Variants in BCAS3 observed in about 807,000 individuals in gnomAD.
The protein encoded by BCAS3 is BCAS3 microtubule associated cell migration factor.
A neutral mutation model predicts 116.1 loss-of-function variants in BCAS3; 53 were observed. That is an observed-to-expected ratio of 0.46 (90% CI 0.37 to 0.57). BCAS3 has a LOEUF of 0.57. Among genes scored for constraint, BCAS3 ranks in the 20% least tolerant of loss-of-function variants. The probability of loss-of-function intolerance (pLI) is 0.00; values close to 1 mark genes in which losing one functional copy is unlikely to be tolerated. For missense variants in BCAS3, 917 were observed against 1,165.4 expected (o/e 0.79, Z 3.10); for synonymous variants, 391 against 408.2 (o/e 0.96, Z 0.51).
chr17:61,382,597 A>G (rs2059659514), intron 23 of BCAS3, among the ~76,000 whole-genome samples: 2 of 151,754 alleles, frequency 1.3e-5, no homozygotes, highest in African/African-American at 4.8e-5. Context: ...CGGAGGTTGC[A>G]GTGAGCTGAG....
chr17:60,695,977 T>C (rs2035542537), intron 4 of BCAS3, among the ~76,000 whole-genome samples: 1 of 152,240 alleles, frequency 6.6e-6, no homozygotes, highest in Non-Finnish European at 1.5e-5. Flanking sequence ...GTCCACTTCT[T>C]GTCACTACTT....
Position 61,156,231 on chromosome 17 carries a change from AG to A in BCAS3, c.2425+71668del, listed in dbSNP as rs2077829901. 6.6e-6 allele frequency among the ~76,000 whole-genome samples: 1 copy of A among 151,946 alleles called. No individual in the cohort carries two copies. Among genetic ancestry groups the A allele is most frequent in the Non-Finnish European group, 1.5e-5 (1 of 67,980 alleles). On this transcript the variant is annotated intron_variant, in intron 22 of 23. Transcript: ENST00000407086. This position sits in a 1 kb window ranked among gnomAD's most constrained non-coding sequence, Gnocchi z 4.7. Reference sequence around the variant, plus strand: ...TTACTAAGCCTAATTCTCTGGTTAAAGTTTGGGTCAATGTATTCATTTTGGT... The same window carrying A: ...TTACTAAGCCTAATTCTCTGGTTAAATTTGGGTCAATGTATTCATTTTGGT...
intron 14 of BCAS3, among the ~76,000 whole-genome samples, chr17:60,981,456 T>C (rs528587997): frequency 1.3e-5 from 2 of 152,204 alleles, no homozygotes; most frequent in South Asian, 4.2e-4. Context: ...CTAATTTTTG[T>C]ATTTTTAGTA....
At chr17:60,764,768 A>G (rs976243100) in intron 6 of BCAS3, among the ~76,000 whole-genome samples, 3 of 152,112 alleles carry the variant, frequency 2.0e-5, no homozygotes, top group Non-Finnish European at 2.9e-5. Context: ...CTTCTGTCTC[A>G]TTGATCTGTC....
chr17:60,681,865 G>C (rs2033189343), intron 2 of BCAS3, among the ~76,000 whole-genome samples: 1 of 152,100 alleles, frequency 6.6e-6, no homozygotes, highest in South Asian at 2.1e-4. Context: ...GATTAGCTGG[G>C]ATTACAGGCA....
At chr17:60,999,751 C>T (rs1020816321) in intron 15 of BCAS3, among the ~76,000 whole-genome samples, 1 of 152,044 alleles carries the variant, frequency 6.6e-6, no homozygotes, top group African/African-American at 2.4e-5. Context: ...TGATAATGGA[C>T]ATTTTAACAA....
chr17:61,015,506 C>A (rs770610938), intron 15 of BCAS3, among the ~76,000 whole-genome samples: 5 of 152,018 alleles, frequency 3.3e-5, no homozygotes, highest in Non-Finnish European at 5.9e-5. Context: ...CCCAGGCTGG[C>A]CTCAAACTCC....
chr17:61,047,648 T>C (rs1320199830), intron 19 of BCAS3, among the ~76,000 whole-genome samples: 3 of 151,992 alleles, frequency 2.0e-5, no homozygotes, highest in Non-Finnish European at 2.9e-5. Flanking sequence ...AGTGTATTCC[T>C]TTGCCAAAAA....
At chr17:61,067,531 A>G (rs2070810346) in intron 19 of BCAS3, among the ~76,000 whole-genome samples, 2 of 149,408 alleles carry the variant, frequency 1.3e-5, no homozygotes, top group East Asian at 2.0e-4. Context: ...ATCCTGGCCA[A>G]CATGGTGGAA....
intron 6 of BCAS3, among the ~76,000 whole-genome samples, chr17:60,782,283 C>T (rs911278097): frequency 3.3e-5 from 5 of 152,134 alleles, no homozygotes; most frequent in Non-Finnish European, 5.9e-5. Flanking sequence ...ATTTTACCAA[C>T]TTTTAAACAT....
chr17:60,982,389 C>G (rs925549017), intron 14 of BCAS3, among the ~76,000 whole-genome samples: 2 of 152,190 alleles, frequency 1.3e-5, no homozygotes, highest in Admixed American at 1.3e-4. Flanking sequence ...TCACTGCAGC[C>G]TCATAACTCC....
At position 61,376,583 on chromosome 17, in the gene BCAS3, C is replaced by T. The variant is rs150054255; in HGVS notation, c.2593+8089C>T. ...CAGTCTTGTCTTTTAATTTTTTCCT[C>T]CAAGCCTTACCTCTCCAACTTCCTG... On this transcript the variant is annotated intron_variant, in intron 23 of 23. Coordinates refer to ENST00000407086, the MANE Select transcript of BCAS3 (RefSeq NM_017679.5). The surrounding 1 kb of genome is among the most constrained non-coding windows in gnomAD (Gnocchi z 4.5). 3.1e-4 allele frequency among the ~76,000 whole-genome samples: 47 copies of T among 152,306 alleles called. No individual in the cohort carries two copies. Among genetic ancestry groups the T allele is most frequent in the African/African-American group, 1.0e-3 (43 of 41,564 alleles).
At chr17:60,929,003 ATTAT>A (rs2059502288) in intron 13 of BCAS3, among the ~76,000 whole-genome samples, 1 of 152,168 alleles carries the variant, frequency 6.6e-6, no homozygotes, top group Admixed American at 6.5e-5. Context: ...CCCTTAAATT[ATTAT>A]TTGTCTTACA....
rs2061338935 is a variant in BCAS3 at position 60,960,053 on chromosome 17, C to T, written c.1221+12701C>T. On this transcript the variant is annotated intron_variant, in intron 14 of 23. Coordinates refer to ENST00000407086, the MANE Select transcript of BCAS3 (RefSeq NM_017679.5). This position sits in a 1 kb window ranked among gnomAD's most constrained non-coding sequence, Gnocchi z 4.1. Reference sequence around the variant, plus strand: ...AAGCCCCTTCTCTTAGGATTTATAACCTAATCACTTATTTTGCCAAAGAGT... The same window carrying T: ...AAGCCCCTTCTCTTAGGATTTATAATCTAATCACTTATTTTGCCAAAGAGT... 1.3e-5 allele frequency among the ~76,000 whole-genome samples: 2 copies of T among 152,100 alleles called. No individual in the cohort carries two copies. Among genetic ancestry groups the T allele is most frequent in the East Asian group, 3.9e-4 (2 of 5,194 alleles).
In BCAS3 at chr17:61,235,129, C is replaced by T. The variant is rs553603042; in HGVS notation, c.2426-133198C>T. Among the ~76,000 whole-genome samples, 89 of 152,284 alleles carry T rather than the reference C, an allele frequency of 5.8e-4. No individual in the cohort carries two copies. Among genetic ancestry groups the T allele is most frequent in the African/African-American group, 1.8e-3 (76 of 41,554 alleles). On this transcript the variant is annotated intron_variant, in intron 22 of 23. Transcript: ENST00000407086. The surrounding 1 kb of genome is among the most constrained non-coding windows in gnomAD (Gnocchi z 5.0). Reference sequence around the variant, plus strand: ...CTCAAACTCCTGACCTAAGATGATCCGCCCACTTCGGTCTTCCAAAGTGCT... The same window carrying T: ...CTCAAACTCCTGACCTAAGATGATCTGCCCACTTCGGTCTTCCAAAGTGCT...
intron 13 of BCAS3, among the ~76,000 whole-genome samples, chr17:60,945,118 A>G (rs2060417844): frequency 6.6e-6 from 1 of 152,130 alleles, no homozygotes; most frequent in Non-Finnish European, 1.5e-5. Context: ...TTGTCAAGAT[A>G]AAAAATCATC....
chr17:61,030,496 T>C (rs1327198719), intron 16 of BCAS3, among the ~76,000 whole-genome samples: 1 of 152,088 alleles, frequency 6.6e-6, no homozygotes, highest in Non-Finnish European at 1.5e-5. Context: ...TGGGGAACTT[T>C]AGTAGCCTTT....
Position 61,205,636 on chromosome 17 carries a change from G to A in BCAS3, c.2425+121072G>A, listed in dbSNP as rs961506100. Among the ~76,000 whole-genome samples, 5 of 152,194 alleles carry A rather than the reference G, an allele frequency of 3.3e-5. No homozygotes were observed. The highest frequency in any genetic ancestry group is 4.8e-5 in the African/African-American group (2 of 41,450). ...TGCTGTAGCGCCTCCTAACCCTGCC[G>A]TTGGTCTGGAGTGAAGCAGAGCAGG... On this transcript the variant is annotated intron_variant, in intron 22 of 23. Coordinates refer to ENST00000407086, the MANE Select transcript of BCAS3 (RefSeq NM_017679.5). The surrounding 1 kb of genome is among the most constrained non-coding windows in gnomAD (Gnocchi z 5.2).
At position 60,874,703 on chromosome 17, in the gene BCAS3, A is replaced by G. The variant is rs2055431389; in HGVS notation, c.626A>G (p.Asp209Gly). 1 of 1,611,780 alleles carries G rather than the reference A, an allele frequency of 6.2e-7. No homozygotes were observed. Residue 209 changes from aspartate (D) to glycine (G), a missense_variant, in exon 9 of 24, where the codon GAT (aspartate) becomes GGT (glycine). Around this residue, in one of 3 missense-constraint regions of BCAS3, gnomAD observed 807 missense variants for 1,026.0 expected, o/e 0.79. Transcript: ENST00000407086. ...VVLQEKIAAF[D>G]SCTFTKKFFV... is the part of the protein sequence containing the mutation. ...TTGCAGGAGAAAATTGCTGCCTTTGATAGCTGTACTTTCACGAAGAAATTC... is the reference window on the plus strand; with the variant it reads ...TTGCAGGAGAAAATTGCTGCCTTTGGTAGCTGTACTTTCACGAAGAAATTC...
Sources: gnomAD v4.1 joint callset for allele counts (sites outside exome capture counted in the v4.1 genomes callset) on GRCh38, gnomAD v4.1.1 for gene constraint, gnomAD v4.1.1 regional missense constraint, Gnocchi (gnomAD v3.1) non-coding constraint, MANE v1.5 for transcripts, NCBI Gene and HGNC (gene_info 2026-07-23, HGNC 2026-07-21) for gene names.